PRKN: variants seen among roughly 807,000 people sequenced by gnomAD.
PRKN encodes the protein E3 ubiquitin-protein ligase parkin.
A neutral mutation model predicts 59.5 loss-of-function variants in PRKN; 56 were observed. The observed-to-expected ratio is 0.94, with a 90% CI of 0.76 to 1.18. The LOEUF (loss-of-function observed/expected upper bound fraction) is 1.18. Among genes scored for constraint, PRKN ranks in the 50% most tolerant of loss-of-function variants. PRKN has a pLI of 0.00. For synonymous variants in PRKN, 250 were observed against 222.1 expected (o/e 1.13, Z -1.12); for missense variants, 657 against 596.4 (o/e 1.10, Z -1.06).
chr6:162,178,481 TCCG>T (rs1327418118), intron 4 of PRKN, among the ~76,000 whole-genome samples: 9 of 152,154 alleles, frequency 5.9e-5, no homozygotes, highest in African/African-American at 2.2e-4. Context: ...GGCCTATGGC[TCCG>T]GTGCTCCAGA....
intron 2 of PRKN, among the ~76,000 whole-genome samples, chr6:162,412,528 C>T (rs1453771566): frequency 2.6e-5 from 4 of 151,952 alleles, no homozygotes; most frequent in African/African-American, 4.8e-5. Context: ...TTATATTATC[C>T]TATTTTCCAT....
intron 4 of PRKN, among the ~76,000 whole-genome samples, chr6:162,162,275 G>C (rs1455688403): frequency 6.6e-6 from 1 of 152,106 alleles, no homozygotes; most frequent in Non-Finnish European, 1.5e-5. Context: ...ACCTTACATA[G>C]CATTTAAATT....
chr6:162,043,383 A>G (rs1419935728), intron 5 of PRKN, among the ~76,000 whole-genome samples: 1 of 152,236 alleles, frequency 6.6e-6, no homozygotes, highest in Admixed American at 6.5e-5. Flanking sequence ...ATACACAGTT[A>G]GATAAACCCA....
At chr6:162,644,485 G>A (rs1289047716) in intron 1 of PRKN, among the ~76,000 whole-genome samples, 3 of 152,116 alleles carry the variant, frequency 2.0e-5, no homozygotes, top group Non-Finnish European at 2.9e-5. Flanking sequence ...TCCCTCCCTG[G>A]GAGAATATGT....
At chr6:162,329,308 C>T (rs182756936) in intron 2 of PRKN, among the ~76,000 whole-genome samples, 14 of 152,082 alleles carry the variant, frequency 9.2e-5, no homozygotes, top group East Asian at 7.8e-4. Flanking sequence ...AAGCAGTGGA[C>T]GTGGAAGGTG....
chr6:162,682,445 C>T (rs974476834), intron 1 of PRKN, among the ~76,000 whole-genome samples: 3 of 152,102 alleles, frequency 2.0e-5, no homozygotes, highest in African/African-American at 7.2e-5. Context: ...AAATCATGTC[C>T]TTTGAAGCAA....
At chr6:161,520,710 G>T (rs1299755372) in intron 9 of PRKN, among the ~76,000 whole-genome samples, 1 of 152,186 alleles carries the variant, frequency 6.6e-6, no homozygotes, top group Non-Finnish European at 1.5e-5. Context: ...GTAGGCTCAT[G>T]AATCTACAGA....
At chr6:162,616,695 C>T (rs966013302) in intron 1 of PRKN, among the ~76,000 whole-genome samples, 1 of 152,164 alleles carries the variant, frequency 6.6e-6, no homozygotes, top group South Asian at 2.1e-4. Context: ...AAAATTGCTA[C>T]TCCTCTGAAT....
chr6:162,052,959 G>A (rs1323519912), intron 5 of PRKN, among the ~76,000 whole-genome samples: 2 of 151,862 alleles, frequency 1.3e-5, no homozygotes, highest in Admixed American at 1.3e-4. Context: ...TATTACATTT[G>A]TATACATGTA....
intron 8 of PRKN, among the ~76,000 whole-genome samples, chr6:161,563,240 T>C (rs778075617): frequency 6.6e-6 from 1 of 152,174 alleles, no homozygotes; most frequent in Non-Finnish European, 1.5e-5. Flanking sequence ...TCAGTAACTG[T>C]GACTTCCTCA....
At chr6:161,991,373 A>G (rs986752716) in intron 5 of PRKN, among the ~76,000 whole-genome samples, 3 of 152,200 alleles carry the variant, frequency 2.0e-5, no homozygotes, top group African/African-American at 7.2e-5. Context: ...ACAGAAAACC[A>G]CCAAACCACA....
intron 2 of PRKN, among the ~76,000 whole-genome samples, chr6:162,370,160 G>A (rs756547377): frequency 6.8e-4 from 103 of 152,098 alleles, no homozygotes; most frequent in Admixed American, 3.3e-3. Context: ...CCTTTTTGAT[G>A]TGATCGTCAG....
intron 6 of PRKN, among the ~76,000 whole-genome samples, chr6:161,880,162 A>G (rs1376293665): frequency 7.2e-5 from 11 of 152,204 alleles, no homozygotes; most frequent in Admixed American, 1.3e-4. Context: ...ATCTTATTAA[A>G]ATGATAATAG....
At chr6:162,097,822 G>A (rs551485915) in intron 4 of PRKN, among the ~76,000 whole-genome samples, 2 of 152,248 alleles carry the variant, frequency 1.3e-5, no homozygotes, top group African/African-American at 4.8e-5. Flanking sequence ...GTTGACACGT[G>A]GTTATTTGTT....
intron 4 of PRKN, among the ~76,000 whole-genome samples, chr6:162,149,413 T>C (rs1409441314): frequency 6.6e-6 from 1 of 151,856 alleles, no homozygotes; most frequent in Non-Finnish European, 1.5e-5. Flanking sequence ...CCCAGTTAAG[T>C]TTTGCATTTT....
intron 4 of PRKN, among the ~76,000 whole-genome samples, chr6:162,183,180 C>G (rs138659833): frequency 6.6e-6 from 1 of 152,234 alleles, no homozygotes; most frequent in Non-Finnish European, 1.5e-5. Context: ...AATGTGTTCT[C>G]ACATTGAGAA....
intron 2 of PRKN, among the ~76,000 whole-genome samples, chr6:162,398,330 T>A (rs1476367199): frequency 6.6e-6 from 1 of 152,058 alleles, no homozygotes; most frequent in African/African-American, 2.4e-5. Context: ...CTTAAAAAAA[T>A]GAATATCAAC....
intron 4 of PRKN, among the ~76,000 whole-genome samples, chr6:162,158,010 G>A (rs1460200903): frequency 6.6e-6 from 1 of 151,614 alleles, no homozygotes; most frequent in Non-Finnish European, 1.5e-5. Context: ...TTATTTTTTT[G>A]CTGGGAGTCT....
intron 7 of PRKN, among the ~76,000 whole-genome samples, chr6:161,630,672 C>T (rs76108469): frequency 1.3e-5 from 2 of 152,088 alleles, no homozygotes; most frequent in Non-Finnish European, 2.9e-5. Flanking sequence ...ATACCCTCTC[C>T]GCAGGCATCC....
Sources: gnomAD v4.1 joint callset for allele counts (sites outside exome capture counted in the v4.1 genomes callset) on GRCh38, gnomAD v4.1.1 for gene constraint, MANE v1.5 for transcripts, NCBI Gene and HGNC (gene_info 2026-07-23, HGNC 2026-07-21) for gene names.